The following RGS10 variants were observed in gnomAD, a reference collection of about 807,000 sequenced individuals.
RGS10 encodes regulator of G-protein signalling 10.
A neutral mutation model predicts 23.5 loss-of-function variants in RGS10; 11 were observed. That is an observed-to-expected ratio of 0.47 (90% CI 0.29 to 0.77). RGS10 has a LOEUF of 0.77. Among genes scored for constraint, RGS10 ranks in the 30% least tolerant of loss-of-function variants. The pLI is 0.08. For synonymous variants in RGS10, 77 were observed against 83.2 expected, an observed-to-expected ratio of 0.92 and a Z score of 0.41; for missense variants, 180 against 226.3, an observed-to-expected ratio of 0.80 and a Z score of 1.31.
chr10:119,504,238 G>A (rs1288932082), intron 4 of RGS10, among the ~76,000 whole-genome samples: 1 of 152,238 alleles, frequency 6.6e-6, no homozygotes, highest in African/African-American at 2.4e-5. Context: ...CACCCAGGCT[G>A]GAGTGCAGTG....
intron 4 of RGS10, among the ~76,000 whole-genome samples, chr10:119,514,657 TA>T (rs59322683): frequency 0.64 from 90,022 of 141,582 alleles, 28,846 homozygotes; most frequent in Non-Finnish European, 0.71. Context: ...GACTCGGTAT[TA>T]AAAAAAAAAA....
intron 3 of RGS10, among the ~76,000 whole-genome samples, chr10:119,519,415 G>C (rs1223576520): frequency 2.5e-5 from 3 of 118,074 alleles, no homozygotes; most frequent in Non-Finnish European, 5.0e-5. Flanking sequence ...CCCTGTGTCT[G>C]TCTCCCAGCT....
chr10:119,540,032 GC>G (rs1251564859), intron 1 of RGS10, among the ~76,000 whole-genome samples: 1 of 151,834 alleles, frequency 6.6e-6, no homozygotes, highest in Non-Finnish European at 1.5e-5. Flanking sequence ...CGGCCCACAG[GC>G]CCAAATGACC....
chr10:119,515,913 T>C (rs1422206347), intron 3 of RGS10, among the ~76,000 whole-genome samples: 2 of 152,180 alleles, frequency 1.3e-5, no homozygotes, highest in Non-Finnish European at 2.9e-5. Context: ...TCAGAAGTGA[T>C]GACAGAAAGA....
At position 119,520,382 on chromosome 10, in the gene RGS10, G is replaced by A. The variant is rs74157683; in HGVS notation, c.256-4730C>T. Among the ~76,000 whole-genome samples the A allele has an allele frequency of 3.9e-3, 593 of 152,214 alleles. 4 individuals are homozygous for A. Among genetic ancestry groups the A allele is most frequent in the African/African-American group, 0.014 (561 of 41,524 alleles). On this transcript the variant is annotated intron_variant, in intron 3 of 4. Coordinates refer to ENST00000369103, the MANE Select transcript of RGS10 (RefSeq NM_001005339.2). ...GCGCGTCCGGAGACGGCAGGAGCTCGAGGGCATCAGGTAGCCCAGACGGAA... is the reference window on the plus strand; with the variant it reads ...GCGCGTCCGGAGACGGCAGGAGCTCAAGGGCATCAGGTAGCCCAGACGGAA...
At chr10:119,523,560 G>C (rs1225352459) in intron 3 of RGS10, among the ~76,000 whole-genome samples, 1 of 152,154 alleles carries the variant, frequency 6.6e-6, no homozygotes, top group African/African-American at 2.4e-5. Context: ...AGCTACTCGG[G>C]AGGCTGAGGC....
chr10:119,518,278 T>C (rs1019224950), intron 3 of RGS10, among the ~76,000 whole-genome samples: 13 of 152,146 alleles, frequency 8.5e-5, no homozygotes, highest in African/African-American at 2.9e-4. Context: ...TGGGGAGACC[T>C]GAAGTGTCCA....
chr10:119,506,227 C>T (rs912839127), intron 4 of RGS10, among the ~76,000 whole-genome samples: 3 of 152,246 alleles, frequency 2.0e-5, no homozygotes, highest in African/African-American at 7.2e-5. Context: ...CCACCTCCCT[C>T]TCAAGTGGGA....
chr10:119,534,251 G>A, intron 1 of RGS10, among the ~76,000 whole-genome samples: 1 of 135,104 alleles, frequency 7.4e-6, no homozygotes, highest in African/African-American at 2.9e-5. Flanking sequence ...ACAAGAACCT[G>A]TCTTAAAATA....
Position 119,500,741 on chromosome 10 carries a change from A to C in RGS10, c.400-482T>G, listed in dbSNP as rs183690730. 2.7e-3 allele frequency among the ~76,000 whole-genome samples: 402 copies of C among 150,804 alleles called. 2 individuals carry two copies. Among genetic ancestry groups the C allele is most frequent in the Non-Finnish European group, 4.7e-3 (320 of 67,786 alleles). The stretch of plus-strand genomic sequence containing the variant: ...GGCATCCGAGATCTCAAACAAACCT[A>C]TTATTGTACCAGGAGTCAAAATGAG... On this transcript the variant is annotated intron_variant, in intron 4 of 4. Transcript: ENST00000369103.
At chr10:119,518,853 C>T (rs1002412661) in intron 3 of RGS10, among the ~76,000 whole-genome samples, 3 of 151,980 alleles carry the variant, frequency 2.0e-5, no homozygotes, top group South Asian at 2.1e-4. Context: ...TACAGGAGTC[C>T]GCCACCACGC....
At chr10:119,535,787 A>G (rs1243738699) in intron 1 of RGS10, among the ~76,000 whole-genome samples, 2 of 152,198 alleles carry the variant, frequency 1.3e-5, no homozygotes, top group Admixed American at 6.5e-5. Context: ...AAAGGCAGAG[A>G]TATTAACCCT....
intron 4 of RGS10, among the ~76,000 whole-genome samples, chr10:119,507,787 G>A (rs984168789): frequency 3.3e-5 from 5 of 151,880 alleles, no homozygotes; most frequent in Admixed American, 2.0e-4. Context: ...GTTTCACCAC[G>A]TTGGCCAGGC....
chr10:119,501,652 G>C (rs1589831400), intron 4 of RGS10, among the ~76,000 whole-genome samples: 1 of 152,126 alleles, frequency 6.6e-6, no homozygotes, highest in African/African-American at 2.4e-5. Context: ...GAACCCAGGA[G>C]GCAAAGGCTG....
At chr10:119,510,771 T>C (rs1844067991) in intron 4 of RGS10, among the ~76,000 whole-genome samples, 1 of 152,176 alleles carries the variant, frequency 6.6e-6, no homozygotes, top group Non-Finnish European at 1.5e-5. Flanking sequence ...CAGGCTAGAG[T>C]TGAATGGTGC....
intron 4 of RGS10, among the ~76,000 whole-genome samples, chr10:119,500,552 A>C (rs544940269): frequency 6.6e-6 from 1 of 151,990 alleles, no homozygotes; most frequent in Non-Finnish European, 1.5e-5. Context: ...TGTACCAAGA[A>C]GTCCTTCAAG....
In RGS10 at chr10:119,500,099, G is replaced by C. The variant is rs369268639; in HGVS notation, c.*14C>G. On this transcript the variant is annotated 3_prime_UTR_variant, in exon 5 of 5. Coordinates refer to ENST00000369103, the MANE Select transcript of RGS10 (RefSeq NM_001005339.2). The stretch of plus-strand genomic sequence containing the variant: ...TTTGCTTCTTAAAGCTGCCAGTCCC[G>C]GCTTTTTGGGGGCTCATGTGTTATA... The C allele has an allele frequency of 6.2e-7, 1 of 1,609,750 alleles. No individual in the cohort carries two copies. Among genetic ancestry groups the C allele is most frequent in the Non-Finnish European group, 8.5e-7 (1 of 1,178,806 alleles).
In RGS10 at chr10:119,524,812, T is replaced by C. The variant is rs1844255013; in HGVS notation, c.255+1220A>G. 6.6e-6 allele frequency among the ~76,000 whole-genome samples: 1 copy of C among 152,136 alleles called. No individual in the cohort carries two copies. On this transcript the variant is annotated intron_variant, in intron 3 of 4. Transcript: ENST00000369103. This position sits in a 1 kb window ranked among gnomAD's most constrained non-coding sequence, Gnocchi z 5.2. ...AGTTCAAGCCAAAGAGAATCCATCTTAGAATACTCCCTTGCCACCTCCAGA... is the reference window on the plus strand; with the variant it reads ...AGTTCAAGCCAAAGAGAATCCATCTCAGAATACTCCCTTGCCACCTCCAGA...
At position 119,527,178 on chromosome 10, in the gene RGS10, G is replaced by T; in HGVS notation, c.168+128C>A. 1.5e-6 allele frequency: 1 copy of T among 650,938 alleles called. No individual in the cohort carries two copies. Among genetic ancestry groups the T allele is most frequent in the Non-Finnish European group, 2.7e-6 (1 of 368,092 alleles). 40.3% of individuals were successfully genotyped at this position (650,938 alleles called of 1,614,324 possible). A position where few individuals can be genotyped will look rare whatever the true frequency, so the allele number is the denominator to read the frequency against. ...CCCTCAAGCTGGGATAGACAGTACT[G>T]AACTCTCAAGCTGGCATAGAGAGTG... is the stretch of plus-strand genomic sequence containing the variant. On this transcript the variant is annotated intron_variant, in intron 2 of 4. Coordinates refer to ENST00000369103, the MANE Select transcript of RGS10 (RefSeq NM_001005339.2). This position sits in a 1 kb window ranked among gnomAD's most constrained non-coding sequence, Gnocchi z 4.2.
Sources: allele counts gnomAD v4.1 joint callset (sites outside exome capture counted in the v4.1 genomes callset), GRCh38; gene constraint gnomAD v4.1.1; non-coding constraint Gnocchi (gnomAD v3.1); transcripts MANE v1.5; gene names NCBI Gene and HGNC (gene_info 2026-07-23, HGNC 2026-07-21).